ATRX: variants seen among roughly 807,000 people sequenced by gnomAD.
ATRX encodes the protein ATRX chromatin remodeler.
A neutral mutation model predicts 172.6 loss-of-function variants in ATRX; 12 were observed. The ratio of observed to expected loss-of-function variants is 0.07; its 90% CI spans 0.04 to 0.11. The LOEUF (loss-of-function observed/expected upper bound fraction) is 0.11, where lower values mean the gene tolerates loss of function less well. ATRX is among the 10% of genes least tolerant of loss of function. The pLI, the probability that ATRX is intolerant of heterozygous loss-of-function variation, is 1.00. For missense variants in ATRX, 1,368 were observed against 1,767.4 expected, an observed-to-expected ratio of 0.77 and a Z score of 4.05; for synonymous variants, 674 against 594.7, an observed-to-expected ratio of 1.13 and a Z score of -1.94.
At chrX:77,768,870 T>A (rs782073499) in intron 1 of ATRX, among the ~76,000 whole-genome samples, 1 of 111,935 alleles carries the variant, frequency 8.9e-6, no homozygotes, top group South Asian at 3.7e-4. Flanking sequence ...CTTTCAAATT[T>A]AACTCATCTA....
intron 2 of ATRX, among the ~76,000 whole-genome samples, chrX:77,712,210 G>A (rs1483291640): frequency 8.9e-6 from 1 of 111,848 alleles, no homozygotes; most frequent in Admixed American, 9.6e-5. Flanking sequence ...TTAACAATGG[G>A]GAATTCAGCC....
chrX:77,683,412 T>C lies in ATRX; in HGVS notation c.1844A>G (p.Tyr615Cys), dbSNP rs782184873. The C allele has an allele frequency of 8.3e-7, 1 of 1,210,112 alleles. No homozygotes were observed. The highest frequency in any genetic ancestry group is 1.1e-6 in the Non-Finnish European group (1 of 893,873). ...CTTGGGGTTCAGACCACAACTTTTA[T>C]AGCCATCTTTATCTTGTGGAACTTC... ...CQEVPQDKDG[Y>C]KSCGLNPKLE... Residue 615 changes from tyrosine (Y) to cysteine (C), a missense_variant, in exon 9 of 35, where the codon TAT becomes TGT. Around this residue, in one of 17 missense-constraint regions of ATRX, gnomAD observed 843 missense variants for 643.1 expected, o/e 1.31. Coordinates refer to ENST00000373344, the MANE Select transcript of ATRX (RefSeq NM_000489.6).
At chrX:77,633,858 A>G in intron 17 of ATRX, 146 bp from the exon 18 acceptor site, 1 of 567,806 alleles carries the variant, frequency 1.8e-6, no homozygotes, top group South Asian at 3.1e-5. Flanking sequence ...GGAAAGAGAT[A>G]GTAAAATGCC....
In ATRX at chrX:77,513,733, A is replaced by G. The variant is rs543008514; in HGVS notation, c.7201-5104T>C. On this transcript the variant is annotated intron_variant, in intron 34 of 34. Coordinates refer to ENST00000373344, the MANE Select transcript of ATRX (RefSeq NM_000489.6). Reference sequence around the variant, plus strand: ...TGCCCTCTATCACCACTCCTATTCAACATAGTATTAGAAGTCCTGGGCAGA... The same window carrying G: ...TGCCCTCTATCACCACTCCTATTCAGCATAGTATTAGAAGTCCTGGGCAGA... Among the ~76,000 whole-genome samples, 19 of 111,705 alleles carry G rather than the reference A, an allele frequency of 1.7e-4. No individual in the cohort carries two copies. In the South Asian group the frequency reaches 7.2e-3, roughly 42 times the overall value.
intron 2 of ATRX, among the ~76,000 whole-genome samples, chrX:77,716,193 G>A (rs1327411523): frequency 4.6e-5 from 4 of 87,167 alleles, no homozygotes; most frequent in Non-Finnish European, 8.5e-5. Context: ...CAGCTACCGG[G>A]AGGGTGAGGT....
rs782183915 is a variant in ATRX at position 77,597,883 on chromosome X, T to A, written c.5956+1528A>T. On this transcript the variant is annotated intron_variant, in intron 25 of 34. Coordinates refer to ENST00000373344, the MANE Select transcript of ATRX (RefSeq NM_000489.6). ...CCGCCTATGGAAGGCAGTTTAGAGATTTCTCAAAGAACTTAAAGCAGAACT... is the reference window on the plus strand; with the variant it reads ...CCGCCTATGGAAGGCAGTTTAGAGAATTCTCAAAGAACTTAAAGCAGAACT... Among the ~76,000 whole-genome samples the A allele has an allele frequency of 2.7e-5, 3 of 112,351 alleles. No individual in the cohort carries two copies. The South Asian group carries it at 1.1e-3, about 41-fold the overall frequency.
intron 3 of ATRX, among the ~76,000 whole-genome samples, chrX:77,698,132 G>A (rs782759312): frequency 2.8e-4 from 31 of 111,412 alleles, no homozygotes; most frequent in Non-Finnish European, 4.5e-4. Context: ...TATTTTACTG[G>A]ATTCAGTTTT....
intron 27 of ATRX, among the ~76,000 whole-genome samples, chrX:77,583,108 C>T (rs931144604): frequency 3.6e-5 from 4 of 111,655 alleles, no homozygotes; most frequent in African/African-American, 3.3e-5. Flanking sequence ...CAGTAGCAAA[C>T]GGAATTCAAT....
At chrX:77,728,464 T>C (rs782769126) in intron 1 of ATRX, among the ~76,000 whole-genome samples, 19 of 111,937 alleles carry the variant, frequency 1.7e-4, no homozygotes, top group African/African-American at 5.5e-4. Context: ...CATTCCCCTA[T>C]AGAAACTTTT....
At chrX:77,753,163 C>T (rs1297716789) in intron 1 of ATRX, among the ~76,000 whole-genome samples, 1 of 111,171 alleles carries the variant, frequency 9.0e-6, no homozygotes, top group East Asian at 2.8e-4. Context: ...TTGGTCTATT[C>T]AGGGAGTCAA....
chrX:77,738,323 A>T (rs1557180130), intron 1 of ATRX, among the ~76,000 whole-genome samples: 2 of 104,000 alleles, frequency 1.9e-5, no homozygotes, highest in South Asian at 8.9e-4. Context: ...CGATACAGTG[A>T]CACCCTGTCT....
rs782577240 is a variant in ATRX at position 77,673,849 on chromosome X, C to T, written c.3809+2377G>A. 8 of 110,760 alleles carry T rather than the reference C, an allele frequency of 7.2e-5. No homozygotes were observed. The East Asian group carries it at 2.0e-3, about 27-fold the overall frequency. The allele number at this position is 110,760 out of a possible 1,213,427, so 9.1% of individuals were successfully genotyped here. Reference sequence around the variant, plus strand: ...CGTCCTAAATTTCAAAATTTCAAAACTTCTTTGGCTACAAACTAGCCTCTA... The same window carrying T: ...CGTCCTAAATTTCAAAATTTCAAAATTTCTTTGGCTACAAACTAGCCTCTA... On this transcript the variant is annotated intron_variant, in intron 10 of 34. Coordinates refer to ENST00000373344, the MANE Select transcript of ATRX (RefSeq NM_000489.6).
At chrX:77,711,777 G>C (rs1332181252) in intron 2 of ATRX, among the ~76,000 whole-genome samples, 1 of 112,382 alleles carries the variant, frequency 8.9e-6, no homozygotes, top group Non-Finnish European at 1.9e-5. Context: ...GGAAGTTGCT[G>C]TGAGCTGAGA....
intron 1 of ATRX, among the ~76,000 whole-genome samples, chrX:77,764,602 T>C (rs1453359556): frequency 8.9e-6 from 1 of 112,410 alleles, no homozygotes; most frequent in Non-Finnish European, 1.9e-5. Context: ...GTATTTTTCA[T>C]GTAGAAGGAG....
At chrX:77,671,522 A>G (rs1029553394) in intron 10 of ATRX, among the ~76,000 whole-genome samples, 2 of 110,102 alleles carry the variant, frequency 1.8e-5, no homozygotes, top group Admixed American at 9.8e-5. Context: ...AATTTTATAC[A>G]AAAATCTAAA....
intron 30 of ATRX, among the ~76,000 whole-genome samples, chrX:77,541,477 C>T (rs1042646757): frequency 8.9e-6 from 1 of 111,911 alleles, no homozygotes; most frequent in African/African-American, 3.2e-5. Context: ...ATGAGGCCAG[C>T]ATCCTCCTGA....
At chrX:77,766,268 G>A (rs868952085) in intron 1 of ATRX, among the ~76,000 whole-genome samples, 5 of 111,656 alleles carry the variant, frequency 4.5e-5, no homozygotes, top group Admixed American at 1.9e-4. Flanking sequence ...AGGGGCGGCC[G>A]GGCAGAGGCG....
chrX:77,762,104 C>T (rs1303677452), intron 1 of ATRX, among the ~76,000 whole-genome samples: 1 of 109,569 alleles, frequency 9.1e-6, no homozygotes, highest in African/African-American at 3.3e-5. Context: ...AGATCAAGAC[C>T]ATCCTGGCTA....
At chrX:77,624,207 T>C (rs1478929745) in intron 19 of ATRX, among the ~76,000 whole-genome samples, 1 of 109,753 alleles carries the variant, frequency 9.1e-6, no homozygotes, top group Non-Finnish European at 1.9e-5. Context: ...CTACTAAAAA[T>C]ACAAAAAAAA....
Sources: allele counts gnomAD v4.1 joint callset (sites outside exome capture counted in the v4.1 genomes callset), GRCh38; gene constraint gnomAD v4.1.1; regional missense constraint gnomAD v4.1.1; transcripts MANE v1.5; gene names NCBI Gene and HGNC (gene_info 2026-07-23, HGNC 2026-07-21).